PRKN: variants seen among roughly 807,000 people sequenced by gnomAD.
The protein encoded by PRKN is E3 ubiquitin-protein ligase parkin.
A neutral mutation model predicts 59.5 loss-of-function variants in PRKN; 56 were observed. That is an observed-to-expected ratio of 0.94 (90% CI 0.76 to 1.18). The LOEUF is 1.18. Ranked by LOEUF, PRKN falls within the 50% of genes most tolerant of loss-of-function variation. The probability of loss-of-function intolerance (pLI) is 0.00; values close to 1 mark genes in which losing one functional copy is unlikely to be tolerated. For missense variants in PRKN, 657 were observed against 596.4 expected (o/e 1.10, Z -1.06); for synonymous variants, 250 against 222.1 (o/e 1.13, Z -1.12).
chr6:161,383,070 C>T (rs1786065562), intron 10 of PRKN, among the ~76,000 whole-genome samples: 1 of 152,156 alleles, frequency 6.6e-6, no homozygotes, highest in Non-Finnish European at 1.5e-5. Context: ...CATCTAAAGC[C>T]TTCGGTTCCA....
intron 2 of PRKN, among the ~76,000 whole-genome samples, chr6:162,417,988 C>G (rs770272037): frequency 6.6e-6 from 1 of 152,162 alleles, no homozygotes; most frequent in South Asian, 2.1e-4. Context: ...CCACATGACC[C>G]GGCAATTCTA....
chr6:162,006,142 G>C (rs1238452821), intron 5 of PRKN, among the ~76,000 whole-genome samples: 1 of 152,090 alleles, frequency 6.6e-6, no homozygotes, highest in South Asian at 2.1e-4. Context: ...TTTGTCTAAT[G>C]ACTTGTTTGT....
chr6:161,996,293 C>A (rs961931431), intron 5 of PRKN, among the ~76,000 whole-genome samples: 3 of 152,164 alleles, frequency 2.0e-5, no homozygotes, highest in Non-Finnish European at 4.4e-5. Flanking sequence ...ATAAGCCAGG[C>A]ACTGGACAAA....
At chr6:162,295,705 G>C (rs926199823) in intron 2 of PRKN, among the ~76,000 whole-genome samples, 5 of 152,146 alleles carry the variant, frequency 3.3e-5, no homozygotes, top group African/African-American at 9.7e-5. Context: ...CACTTCCCAG[G>C]AAAGCAGGCA....
intron 6 of PRKN, among the ~76,000 whole-genome samples, chr6:161,938,877 G>T (rs1779450308): frequency 1.3e-5 from 2 of 152,136 alleles, no homozygotes; most frequent in South Asian, 4.1e-4. Context: ...ATTTGTGATT[G>T]CCTAGAGATG....
chr6:162,247,545 A>G (rs1405306272), intron 3 of PRKN, among the ~76,000 whole-genome samples: 1 of 152,182 alleles, frequency 6.6e-6, no homozygotes, highest in Admixed American at 6.6e-5. Context: ...ATTAAGGGGG[A>G]AAATGATCTC....
chr6:162,410,847 A>C (rs982502317), intron 2 of PRKN, among the ~76,000 whole-genome samples: 1 of 152,160 alleles, frequency 6.6e-6, no homozygotes, highest in Non-Finnish European at 1.5e-5. Flanking sequence ...AAATCAGCAG[A>C]ATTTAAGGCT....
At chr6:162,717,565 CAAAA>C (rs34053908) in intron 1 of PRKN, among the ~76,000 whole-genome samples, 1 of 117,764 alleles carries the variant, frequency 8.5e-6, no homozygotes, top group Non-Finnish European at 1.7e-5. Context: ...GATCTTGTCT[CAAAA>C]AAAAAAAAAA....
At chr6:161,761,944 G>A (rs1294789093) in intron 7 of PRKN, among the ~76,000 whole-genome samples, 1 of 152,222 alleles carries the variant, frequency 6.6e-6, no homozygotes, top group East Asian at 1.9e-4. Flanking sequence ...TGGAGGACAG[G>A]ACATTTGGCC....
intron 3 of PRKN, among the ~76,000 whole-genome samples, chr6:162,236,327 T>G (rs1778709675): frequency 6.6e-6 from 1 of 152,116 alleles, no homozygotes; most frequent in Non-Finnish European, 1.5e-5. Context: ...TGGTGAAGGT[T>G]CTCTCTATCC....
intron 1 of PRKN, among the ~76,000 whole-genome samples, chr6:162,628,270 A>G (rs1216704089): frequency 6.6e-6 from 1 of 152,186 alleles, no homozygotes. Flanking sequence ...GAACTTAAAC[A>G]TAACTGTATG....
intron 4 of PRKN, among the ~76,000 whole-genome samples, chr6:162,100,897 T>C (rs1779943850): frequency 1.3e-5 from 2 of 152,218 alleles, no homozygotes; most frequent in South Asian, 2.1e-4. Flanking sequence ...AAAAGTTTAT[T>C]CTGTTTCTTT....
At chr6:162,410,392 A>G (rs1304372851) in intron 2 of PRKN, among the ~76,000 whole-genome samples, 1 of 152,150 alleles carries the variant, frequency 6.6e-6, no homozygotes, top group East Asian at 1.9e-4. Context: ...TGTGCCACTG[A>G]AAAACAGCTA....
intron 1 of PRKN, among the ~76,000 whole-genome samples, chr6:162,477,695 G>A (rs1054339059): frequency 1.3e-5 from 2 of 151,822 alleles, no homozygotes; most frequent in African/African-American, 2.4e-5. Context: ...TCTCTGCTGC[G>A]GCCTCTCCTA....
At chr6:161,856,361 A>AAAATAAAGAAAGAAATAAAT (rs76955526) in intron 6 of PRKN, among the ~76,000 whole-genome samples, 8 of 149,466 alleles carry the variant, frequency 5.4e-5, no homozygotes, top group East Asian at 4.0e-4. Flanking sequence ...ATGCCATCTC[A>AAAATAAAGAAAGAAATAAAT]AAATAAATAA....
chr6:162,598,853 C>CAAAAAAAAAA (rs35219327), intron 1 of PRKN, among the ~76,000 whole-genome samples: 1 of 106,910 alleles, frequency 9.4e-6, no homozygotes, highest in Non-Finnish European at 1.9e-5. Flanking sequence ...ATTCTGTCAC[C>CAAAAAAAAAA]AAAAAAAAAA....
rs563018314 is a variant in PRKN, at chr6:161,900,179, G to A, written c.734+73123C>T. ...TCGGAAAATTTTAGTGAATTCAGAGGAAGCAGAATAAATTTAAAGCTGAAA... is the reference window on the plus strand; with the variant it reads ...TCGGAAAATTTTAGTGAATTCAGAGAAAGCAGAATAAATTTAAAGCTGAAA... On this transcript the variant is annotated intron_variant, in intron 6 of 11. Transcript: ENST00000366898. Among the ~76,000 whole-genome samples the A allele has an allele frequency of 2.4e-4, 36 of 151,510 alleles. 3 individuals carry two copies. In the South Asian group the frequency reaches 7.5e-3, roughly 32 times the overall value.
chr6:161,873,055 C>T (rs1794409792), intron 6 of PRKN, among the ~76,000 whole-genome samples: 1 of 150,022 alleles, frequency 6.7e-6, no homozygotes, highest in Non-Finnish European at 1.5e-5. Context: ...GAGCTGGGAG[C>T]TTGGAACAGG....
intron 6 of PRKN, among the ~76,000 whole-genome samples, chr6:161,919,976 T>C (rs1168455070): frequency 2.6e-5 from 4 of 152,198 alleles, no homozygotes; most frequent in Admixed American, 1.3e-4. Flanking sequence ...TCACAGAGCA[T>C]ACTTACACAA....
Sources: gnomAD v4.1 joint callset for allele counts (sites outside exome capture counted in the v4.1 genomes callset) on GRCh38, gnomAD v4.1.1 for gene constraint, MANE v1.5 for transcripts, NCBI Gene and HGNC (gene_info 2026-07-23, HGNC 2026-07-21) for gene names.